FRMPD4: variants seen among roughly 807,000 people sequenced by gnomAD.
FRMPD4 encodes the protein FERM and PDZ domain containing 4, also known as FERM and PDZ domain-containing protein 4.
In FRMPD4, 22 loss-of-function variants were observed where a neutral mutation model predicts 94.1. The observed-to-expected ratio is 0.23, with a 90% confidence interval of 0.17 to 0.33. The LOEUF (loss-of-function observed/expected upper bound fraction) is 0.33. FRMPD4 is among the 10% of genes least tolerant of loss of function. The pLI, the probability that FRMPD4 is intolerant of heterozygous loss-of-function variation, is 1.00. For missense variants in FRMPD4, 1,111 were observed against 1,339.9 expected (o/e 0.83, Z 2.67); for synonymous variants, 631 against 548.6 (o/e 1.15, Z -2.10).
chrX:12,595,407 A>G (rs950123243), intron 2 of FRMPD4, among the ~76,000 whole-genome samples: 1 of 111,947 alleles, frequency 8.9e-6, no homozygotes, highest in African/African-American at 3.2e-5. Flanking sequence ...TTAGATACCC[A>G]TAAAACTGCT....
At chrX:12,463,409 T>G (rs1353542727) in intron 1 of FRMPD4, among the ~76,000 whole-genome samples, 2 of 112,042 alleles carry the variant, frequency 1.8e-5, no homozygotes, top group African/African-American at 6.5e-5. Flanking sequence ...TCTGTAGCCC[T>G]TCATGAACCA....
chrX:12,129,512 C>A (rs2055529053), intron 3 of FRMPD4, among the ~76,000 whole-genome samples: 1 of 111,561 alleles, frequency 9.0e-6, no homozygotes, highest in African/African-American at 3.3e-5. Flanking sequence ...TGGGTGGGAA[C>A]ACAGCCAAAC....
At chrX:12,492,962 C>T (rs2057807107) in intron 1 of FRMPD4, among the ~76,000 whole-genome samples, 1 of 111,330 alleles carries the variant, frequency 9.0e-6, no homozygotes, top group African/African-American at 3.3e-5. Flanking sequence ...CCTGGTTAGC[C>T]GGTTCCTTAC....
intron 1 of FRMPD4, among the ~76,000 whole-genome samples, chrX:11,847,628 A>T (rs2053585909): frequency 9.1e-6 from 1 of 109,480 alleles, no homozygotes; most frequent in Non-Finnish European, 1.9e-5. Flanking sequence ...ACTTGGAACC[A>T]ACCCAAATGT....
At chrX:12,078,107 G>C (rs374007113) in intron 3 of FRMPD4, among the ~76,000 whole-genome samples, 1 of 111,379 alleles carries the variant, frequency 9.0e-6, no homozygotes, top group African/African-American at 3.3e-5. Flanking sequence ...TGAGGTCGTA[G>C]AACCAAAGTC....
intron 3 of FRMPD4, among the ~76,000 whole-genome samples, chrX:11,999,869 CTCTG>C (rs10603868): frequency 0.021 from 2,351 of 111,782 alleles, 58 homozygotes; most frequent in African/African-American, 0.073. Flanking sequence ...CTGCTGATGG[CTCTG>C]TCTGTCTTTG....
intron 3 of FRMPD4, among the ~76,000 whole-genome samples, chrX:12,050,036 A>G (rs929770049): frequency 8.9e-6 from 1 of 112,091 alleles, no homozygotes; most frequent in African/African-American, 3.2e-5. Flanking sequence ...TAAAGTTTAT[A>G]AAGTAAAATA....
chrX:12,265,601 A>G (rs1328854096), intron 1 of FRMPD4, among the ~76,000 whole-genome samples: 2 of 111,246 alleles, frequency 1.8e-5, no homozygotes, highest in East Asian at 5.6e-4. Context: ...TTATTTCATG[A>G]GTTTCTGCCA....
intron 1 of FRMPD4, among the ~76,000 whole-genome samples, chrX:12,389,320 G>A (rs767786426): frequency 3.3e-4 from 36 of 109,266 alleles, no homozygotes; most frequent in African/African-American, 8.7e-4. Flanking sequence ...CTACAAATAC[G>A]AAAAATTAGC....
At chrX:12,057,697 A>C (rs2054862370) in intron 3 of FRMPD4, among the ~76,000 whole-genome samples, 1 of 111,307 alleles carries the variant, frequency 9.0e-6, no homozygotes, top group African/African-American at 3.3e-5. Context: ...GGTTGCCACC[A>C]AGAGGGTGAC....
chrX:11,839,799 G>A (rs2053523160), intron 1 of FRMPD4, among the ~76,000 whole-genome samples: 1 of 109,854 alleles, frequency 9.1e-6, no homozygotes, highest in African/African-American at 3.3e-5. Flanking sequence ...AATTTTCCTG[G>A]CACCGTATGT....
intron 1 of FRMPD4, among the ~76,000 whole-genome samples, chrX:11,824,927 G>T (rs192804559): frequency 2.0e-4 from 21 of 107,262 alleles, no homozygotes; most frequent in South Asian, 4.3e-4. Context: ...GCAATGGACA[G>T]AGTGGTGTTT....
chrX:12,325,225 C>T (rs1308459059), intron 1 of FRMPD4, among the ~76,000 whole-genome samples: 2 of 111,889 alleles, frequency 1.8e-5, no homozygotes, highest in Non-Finnish European at 3.8e-5. Flanking sequence ...ATACTGAAAA[C>T]GTAGAGTCTA....
intron 1 of FRMPD4, among the ~76,000 whole-genome samples, chrX:12,303,745 G>T (rs1420371863): frequency 8.9e-6 from 1 of 112,252 alleles, no homozygotes; most frequent in Admixed American, 9.4e-5. Flanking sequence ...TTTGTAAATT[G>T]TAAGTTAGGC....
intron 1 of FRMPD4, among the ~76,000 whole-genome samples, chrX:11,832,948 C>A (rs1243635650): frequency 8.9e-6 from 1 of 112,127 alleles, no homozygotes; most frequent in African/African-American, 3.2e-5. Context: ...TAGTATCACA[C>A]AGAATAGGTT....
intron 1 of FRMPD4, among the ~76,000 whole-genome samples, chrX:12,315,740 T>C (rs1458279513): frequency 8.9e-6 from 1 of 112,253 alleles, no homozygotes; most frequent in Non-Finnish European, 1.9e-5. Context: ...GGGAGCTTGA[T>C]ACTCATGCAA....
At chrX:12,381,405 T>C (rs1411597642) in intron 1 of FRMPD4, among the ~76,000 whole-genome samples, 2 of 112,355 alleles carry the variant, frequency 1.8e-5, no homozygotes, top group African/African-American at 6.5e-5. Context: ...TCAACTTTTA[T>C]GTATTAAGGC....
intron 1 of FRMPD4, among the ~76,000 whole-genome samples, chrX:12,199,355 C>CT (rs2056604884): frequency 9.2e-6 from 1 of 108,194 alleles, no homozygotes; most frequent in South Asian, 4.1e-4. Context: ...GCCTCTGCTC[C>CT]TTTCCATTCT....
chrX:12,412,202 C>T (rs1385539466), intron 1 of FRMPD4, among the ~76,000 whole-genome samples: 1 of 112,128 alleles, frequency 8.9e-6, no homozygotes, highest in African/African-American at 3.2e-5. Flanking sequence ...TCACTTTTCC[C>T]TAGTGAGTCT....
Sources: gnomAD v4.1 joint callset for allele counts (sites outside exome capture counted in the v4.1 genomes callset) on GRCh38, gnomAD v4.1.1 for gene constraint, MANE v1.5 for transcripts, NCBI Gene and HGNC (gene_info 2026-07-23, HGNC 2026-07-21) for gene names.